MAMDC2: variants seen among roughly 807,000 people sequenced by gnomAD.
MAMDC2 encodes MAM domain containing 2, also known as MAM domain-containing protein 2.
In MAMDC2, 57 loss-of-function variants were observed where a neutral mutation model predicts 89.8. The observed-to-expected ratio is 0.63, with a 90% CI of 0.51 to 0.79. MAMDC2 has a LOEUF of 0.79. Ranked by LOEUF, MAMDC2 falls within the 30% of genes least tolerant of loss-of-function variation. The pLI, the probability that MAMDC2 is intolerant of heterozygous loss-of-function variation, is 0.00. For synonymous variants in MAMDC2, 313 were observed against 293.4 expected (o/e 1.07, Z -0.68); for missense variants, 800 against 820.6 (o/e 0.97, Z 0.31).
At chr9:70,120,820 G>C (rs2030250988) in intron 5 of MAMDC2, among the ~76,000 whole-genome samples, 2 of 152,140 alleles carry the variant, frequency 1.3e-5, no homozygotes, top group African/African-American at 4.8e-5. Flanking sequence ...CATAGTAAGG[G>C]CCACCAAAAC....
At chr9:70,057,294 C>T (rs1023195316) in intron 2 of MAMDC2, among the ~76,000 whole-genome samples, 2 of 152,142 alleles carry the variant, frequency 1.3e-5, no homozygotes, top group Admixed American at 6.5e-5. Flanking sequence ...CCAATGATGT[C>T]TTAATTTCTG....
intron 9 of MAMDC2, among the ~76,000 whole-genome samples, chr9:70,145,045 G>A (rs1361702536): frequency 6.6e-6 from 1 of 152,208 alleles, no homozygotes; most frequent in Non-Finnish European, 1.5e-5. Context: ...GGCAGGAATA[G>A]CATGGCAACC....
At chr9:70,165,357 C>T (rs1468136267) in intron 9 of MAMDC2, among the ~76,000 whole-genome samples, 1 of 152,306 alleles carries the variant, frequency 6.6e-6, no homozygotes, top group East Asian at 1.9e-4. Flanking sequence ...ACATGATCAG[C>T]ATTACTAATA....
Position 70,044,135 on chromosome 9 carries a change from C to T in MAMDC2, c.-63C>T. On this transcript the variant is annotated 5_prime_UTR_variant, in exon 1 of 14. Transcript: ENST00000377182. ...CTCCCACGATCCCTTTCACTAGGAG[C>T]AGCCAGTCCCAGCGGGCTGGCAACT... The T allele has an allele frequency of 6.3e-7, 1 of 1,586,916 alleles. No individual in the cohort carries two copies. Among genetic ancestry groups the T allele is most frequent in the Non-Finnish European group, 8.6e-7 (1 of 1,156,952 alleles).
Position 70,170,593 on chromosome 9 carries a change from C to T in MAMDC2, c.1613C>T (p.Ser538Phe). Residue 538 changes from serine (S) to phenylalanine (F), a missense_variant, in exon 11 of 14, where the codon TCC becomes TTC. Transcript: ENST00000377182. Reference protein sequence around the residue: ...WHRRRGETPTSYTGPKGDHTT... With the variant: ...WHRRRGETPTFYTGPKGDHTT... ...AGGAGGAGGGGAGAAACTCCCACTTCCTACACAGGACCAAAGGGAGATCAC... is the reference window on the plus strand; with the variant it reads ...AGGAGGAGGGGAGAAACTCCCACTTTCTACACAGGACCAAAGGGAGATCAC... 1 of 1,612,192 alleles carries T rather than the reference C, an allele frequency of 6.2e-7. No individual in the cohort carries two copies. Among genetic ancestry groups the T allele is most frequent in the Non-Finnish European group, 8.5e-7 (1 of 1,179,414 alleles).
chr9:70,186,432 G>A (rs1031561783), intron 11 of MAMDC2, among the ~76,000 whole-genome samples: 1 of 152,126 alleles, frequency 6.6e-6, no homozygotes, highest in Non-Finnish European at 1.5e-5. Flanking sequence ...AATTCTAGGT[G>A]AACAATTATT....
intron 11 of MAMDC2, among the ~76,000 whole-genome samples, chr9:70,177,718 A>C (rs959793490): frequency 6.6e-5 from 10 of 152,108 alleles, no homozygotes; most frequent in African/African-American, 2.2e-4. Context: ...GCAAAGACTT[A>C]ATCTCACATT....
chr9:70,201,661 C>G (rs1019536480), intron 11 of MAMDC2, among the ~76,000 whole-genome samples: 2 of 98,650 alleles, frequency 2.0e-5, no homozygotes, highest in African/African-American at 4.6e-5. Flanking sequence ...TGGTAGAATT[C>G]GGCTGTGAAT....
intron 2 of MAMDC2, chr9:70,089,168 AT>A (rs1258533088): frequency 6.6e-6 from 1 of 152,070 alleles, no homozygotes; most frequent in Non-Finnish European, 1.5e-5. Flanking sequence ...CAGCTACACT[AT>A]TACCCCAGGA....
At chr9:70,175,519 C>CATG (rs2032471309) in intron 11 of MAMDC2, among the ~76,000 whole-genome samples, 1 of 151,960 alleles carries the variant, frequency 6.6e-6, no homozygotes, top group African/African-American at 2.4e-5. Context: ...TTTATTATTC[C>CATG]TTGTTAATCT....
intron 2 of MAMDC2, among the ~76,000 whole-genome samples, chr9:70,096,326 A>C (rs1828026445): frequency 6.6e-6 from 1 of 152,130 alleles, no homozygotes. Context: ...CTGGGACTTT[A>C]AATTTTAAAA....
chr9:70,204,393 TGAG>T (rs1175080986), intron 11 of MAMDC2, among the ~76,000 whole-genome samples: 1 of 151,606 alleles, frequency 6.6e-6, no homozygotes, highest in Non-Finnish European at 1.5e-5. Context: ...GGGACCCACT[TGAG>T]GAGGCAGTCT....
chr9:70,085,423 T>G (rs1021007226), intron 2 of MAMDC2, among the ~76,000 whole-genome samples: 4 of 152,048 alleles, frequency 2.6e-5, no homozygotes, highest in African/African-American at 9.7e-5. Context: ...TCAAAGTACC[T>G]CTTACCCAGG....
rs1283187427 is a variant in MAMDC2 at position 70,170,613 on chromosome 9, G to T, written c.1633G>T (p.Asp545Tyr). ...TPTSYTGPKG[D>Y]HTTGVGYYMY... ...CACTTCCTACACAGGACCAAAGGGA[G>T]ATCACACTACTGGGGTAGGTGAGTT... Residue 545 changes from aspartate to tyrosine, a missense_variant, in exon 11 of 14, where the codon GAT (aspartate) becomes TAT (tyrosine). By Grantham distance (160) the Asp-to-Tyr change is radical. Coordinates refer to ENST00000377182, the MANE Select transcript of MAMDC2 (RefSeq NM_153267.5). The T allele has an allele frequency of 6.2e-7, 1 of 1,607,888 alleles. No homozygotes were observed. Among genetic ancestry groups the T allele is most frequent in the Admixed American group, 1.7e-5 (1 of 59,238 alleles).
At chr9:70,170,740 T>G in intron 11 of MAMDC2, 109 bp downstream of exon 11, 2 of 983,446 alleles carry the variant, frequency 2.0e-6, no homozygotes, top group Non-Finnish European at 2.9e-6. Flanking sequence ...GTGTCTATAA[T>G]GAAATGCACT....
intron 11 of MAMDC2, among the ~76,000 whole-genome samples, chr9:70,209,292 T>G (rs544569926): frequency 6.6e-6 from 1 of 152,318 alleles, no homozygotes; most frequent in East Asian, 1.9e-4. Flanking sequence ...CTATTAATTA[T>G]TGCCTCAATT....
At chr9:70,215,341 T>C (rs761802625) in intron 11 of MAMDC2, among the ~76,000 whole-genome samples, 2 of 152,230 alleles carry the variant, frequency 1.3e-5, no homozygotes, top group Non-Finnish European at 2.9e-5. Context: ...TGCAGAACAC[T>C]GACAGGTTTT....
intron 12 of MAMDC2, among the ~76,000 whole-genome samples, chr9:70,219,693 A>G (rs2033522490): frequency 6.6e-6 from 1 of 152,238 alleles, no homozygotes; most frequent in South Asian, 2.1e-4. Flanking sequence ...TTATCCCAAC[A>G]TGGATAAACA....
At chr9:70,053,807 A>T (rs1826966270) in intron 2 of MAMDC2, among the ~76,000 whole-genome samples, 1 of 152,124 alleles carries the variant, frequency 6.6e-6, no homozygotes, top group Non-Finnish European at 1.5e-5. Flanking sequence ...GCTCAATTTG[A>T]GGGAGATAGA....
Sources: gnomAD v4.1 joint callset for allele counts (sites outside exome capture counted in the v4.1 genomes callset) on GRCh38, gnomAD v4.1.1 for gene constraint, MANE v1.5 for transcripts, NCBI Gene and HGNC (gene_info 2026-07-23, HGNC 2026-07-21) for gene names.